The following GATA4 variants were observed in gnomAD, a reference collection of about 807,000 sequenced individuals.
GATA4 encodes the protein transcription factor GATA-4.
In GATA4, 7 loss-of-function variants were observed where a neutral mutation model predicts 37.9. The ratio of observed to expected loss-of-function variants is 0.18; its 90% CI spans 0.11 to 0.35. GATA4 has a LOEUF of 0.35. GATA4 is among the 10% of genes least tolerant of loss of function. GATA4 has a pLI of 1.00. For missense variants in GATA4, 647 were observed against 653.0 expected, an observed-to-expected ratio of 0.99 and a Z score of 0.10; for synonymous variants, 372 against 292.6, an observed-to-expected ratio of 1.27 and a Z score of -2.77.
chr8:11,730,766 G>A (rs2130200226), intron 2 of GATA4, among the ~76,000 whole-genome samples: 1 of 152,348 alleles, frequency 6.6e-6, no homozygotes, highest in East Asian at 1.9e-4. Context: ...CTGTGGGCAG[G>A]AACTGTAATG....
At chr8:11,696,390 T>G (rs1799509895) in intron 1 of GATA4, among the ~76,000 whole-genome samples, 1 of 150,686 alleles carries the variant, frequency 6.6e-6, no homozygotes, top group Admixed American at 6.7e-5. Flanking sequence ...TTGAATATTC[T>G]TTTACTTAGC....
chr8:11,697,725 C>G, intron 1 of GATA4: 1 of 985,488 alleles, frequency 1.0e-6, no homozygotes, highest in South Asian at 4.7e-5. Flanking sequence ...TTGACACTTT[C>G]CTGTCTCTGC....
At chr8:11,701,704 G>A (rs1799682153), upstream of GATA4, among the ~76,000 whole-genome samples, 1 of 152,186 alleles carries the variant, frequency 6.6e-6, no homozygotes, top group Non-Finnish European at 1.5e-5. Context: ...GAAAGTTGGG[G>A]CGCTGGACCT....
intron 2 of GATA4, among the ~76,000 whole-genome samples, chr8:11,712,023 T>C (rs543156126): frequency 9.2e-5 from 14 of 152,354 alleles, no homozygotes; most frequent in Middle Eastern, 3.4e-3. Flanking sequence ...CGTGTCATCT[T>C]GGGCAAGTTA....
At chr8:11,733,154 A>G (rs1430736096) in intron 2 of GATA4, among the ~76,000 whole-genome samples, 1 of 152,228 alleles carries the variant, frequency 6.6e-6, no homozygotes, top group Non-Finnish European at 1.5e-5. Flanking sequence ...GAAGACATGA[A>G]TAAATGGAGA....
chr8:11,708,942 C>G lies in GATA4; in HGVS notation c.616+14C>G. ...ACCCCAATCTCGGTGAGTAGGAGCG[C>G]GAGGGCTGGGGCGCGTGAGGGCCGG... On this transcript the variant is annotated intron_variant, in intron 2 of 6. Coordinates refer to ENST00000532059, the MANE Select transcript of GATA4 (RefSeq NM_001308093.3). The surrounding 1 kb of genome is among the most constrained non-coding windows in gnomAD (Gnocchi z 6.7). The G allele has an allele frequency of 1.3e-6, 2 of 1,523,632 alleles. No homozygotes were observed. Among genetic ancestry groups the G allele is most frequent in the Non-Finnish European group, 1.8e-6 (2 of 1,141,840 alleles). The allele number at this position is 1,523,632 out of a possible 1,614,324, so 94.4% of individuals were successfully genotyped here. A position where few individuals can be genotyped will look rare whatever the true frequency, so the allele number is the denominator to read the frequency against.
chr8:11,716,375 G>A (rs746247689), intron 2 of GATA4, among the ~76,000 whole-genome samples: 1 of 151,936 alleles, frequency 6.6e-6, no homozygotes, highest in African/African-American at 2.4e-5. Flanking sequence ...CTGCTTTAAG[G>A]CATAAGTTGT....
intron 1 of GATA4, chr8:11,698,049 G>C (rs1213276575): frequency 2.0e-6 from 2 of 980,526 alleles, no homozygotes; most frequent in East Asian, 1.1e-4. Flanking sequence ...CGTCCCGGTC[G>C]GGTTCTCTCT....
intron 2 of GATA4, among the ~76,000 whole-genome samples, chr8:11,741,333 G>A (rs1801728181): frequency 6.6e-6 from 1 of 152,068 alleles, no homozygotes; most frequent in African/African-American, 2.4e-5. Context: ...AGAAAAATTA[G>A]CTGAGCGTGG....
At chr8:11,735,909 GAA>G (rs113522855) in intron 2 of GATA4, among the ~76,000 whole-genome samples, 1 of 150,954 alleles carries the variant, frequency 6.6e-6, no homozygotes, top group African/African-American at 2.4e-5. Flanking sequence ...TTGCCTGTTT[GAA>G]AAAAAAAATT....
intron 1 of GATA4, among the ~76,000 whole-genome samples, chr8:11,685,743 A>T (rs1333815365): frequency 1.3e-5 from 2 of 152,248 alleles, no homozygotes; most frequent in African/African-American, 2.4e-5. Flanking sequence ...GAAAACAATC[A>T]TCTAAGTTCT....
At chr8:11,747,908 TTA>T (rs1802108139) in intron 2 of GATA4, among the ~76,000 whole-genome samples, 1 of 152,208 alleles carries the variant, frequency 6.6e-6, no homozygotes, top group Non-Finnish European at 1.5e-5. Flanking sequence ...AGACTCAGAA[TTA>T]TATAGCTTGG....
At chr8:11,750,043 A>G (rs1165371880) in intron 3 of GATA4, 68 bp from the exon 4 acceptor site, 2 of 1,611,020 alleles carry the variant, frequency 1.2e-6, no homozygotes, top group African/African-American at 2.7e-5. Context: ...CTCCGCAGCC[A>G]CACGCGAGGT....
In GATA4 at chr8:11,730,112, C is replaced by T. The variant is rs947777595; in HGVS notation, c.617-18804C>T. ...TATATTTTTTGGAGGTAGGGTTTTG[C>T]CATGTTGCCCAGGCTGGTCTTGAAC... is the stretch of plus-strand genomic sequence containing the variant. On this transcript the variant is annotated intron_variant, in intron 2 of 6. Coordinates refer to ENST00000532059, the MANE Select transcript of GATA4 (RefSeq NM_001308093.3). Among the ~76,000 whole-genome samples the T allele has an allele frequency of 3.9e-5, 6 of 152,230 alleles. No homozygotes were observed. The South Asian group carries it at 1.2e-3, about 32-fold the overall frequency.
intron 2 of GATA4, among the ~76,000 whole-genome samples, chr8:11,722,383 AG>A (rs1041140876): frequency 1.4e-4 from 21 of 152,358 alleles, no homozygotes; most frequent in African/African-American, 3.8e-4. Flanking sequence ...TAAAAAATAC[AG>A]CCCCACTGCC....
chr8:11,730,582 C>T (rs187638499), intron 2 of GATA4, among the ~76,000 whole-genome samples: 37 of 152,326 alleles, frequency 2.4e-4, no homozygotes, highest in Middle Eastern at 3.4e-3. Flanking sequence ...GAGGTGCAGA[C>T]AGCGAAGAGG....
chr8:11,695,845 A>C (rs1380815758), intron 1 of GATA4, among the ~76,000 whole-genome samples: 1 of 152,202 alleles, frequency 6.6e-6, no homozygotes, highest in African/African-American at 2.4e-5. Context: ...CAAGATAGGC[A>C]CTGGAGCTGT....
intron 2 of GATA4, among the ~76,000 whole-genome samples, chr8:11,735,527 T>C (rs1394767320): frequency 6.6e-6 from 1 of 152,234 alleles, no homozygotes; most frequent in Non-Finnish European, 1.5e-5. Flanking sequence ...GGGATCATGG[T>C]GATGGTGGAG....
intron 1 of GATA4, among the ~76,000 whole-genome samples, chr8:11,680,130 G>C (rs552124937): frequency 6.6e-6 from 1 of 152,362 alleles, no homozygotes; most frequent in East Asian, 1.9e-4. Flanking sequence ...CGCAGCCCGC[G>C]GGGAAAACAT....
Sources: allele counts gnomAD v4.1 joint callset (sites outside exome capture counted in the v4.1 genomes callset), GRCh38; gene constraint gnomAD v4.1.1; non-coding constraint Gnocchi (gnomAD v3.1); transcripts MANE v1.5; gene names NCBI Gene and HGNC (gene_info 2026-07-23, HGNC 2026-07-21).